ZDHHC24: variants seen among roughly 807,000 people sequenced by gnomAD.
ZDHHC24 encodes the protein probable palmitoyltransferase ZDHHC24.
ZDHHC24 carries 17 observed loss-of-function variants against 23.2 expected under a neutral mutation model. The observed-to-expected ratio is 0.73, with a 90% CI of 0.50 to 1.10. ZDHHC24 has a LOEUF of 1.10. ZDHHC24 is among the 50% of genes least tolerant of loss of function. The pLI is 0.00. For missense variants in ZDHHC24, 366 were observed against 393.0 expected (o/e 0.93, Z 0.58); for synonymous variants, 186 against 194.5 (o/e 0.96, Z 0.36).
intron 4 of ZDHHC24, chr11:66,523,930 C>T (rs368310925): frequency 7.0e-5 from 112 of 1,608,066 alleles, no homozygotes; most frequent in Middle Eastern, 3.3e-4. Flanking sequence ...TTGCCCTCGT[C>T]TCACCTCTGG....
chr11:66,523,382 T>C, intron 4 of ZDHHC24: 1 of 1,609,752 alleles, frequency 6.2e-7, no homozygotes, highest in Non-Finnish European at 8.5e-7. Flanking sequence ...CCATGAGGTT[T>C]AGACAGAGGA....
chr11:66,530,245 AC>A (rs1394708953), intron 2 of ZDHHC24, among the ~76,000 whole-genome samples: 1 of 152,068 alleles, frequency 6.6e-6, no homozygotes, highest in Non-Finnish European at 1.5e-5. Flanking sequence ...CTTCCCAAGA[AC>A]CTGAAGGGAT....
chr11:66,524,293 A>T, intron 4 of ZDHHC24: 1 of 331,082 alleles, frequency 3.0e-6, no homozygotes, highest in Non-Finnish European at 5.9e-6. Flanking sequence ...AAAAAAAAAA[A>T]TGTGTTGAGC....
chr11:66,522,027 C>T (rs141582785), intron 4 of ZDHHC24, among the ~76,000 whole-genome samples: 3,003 of 150,420 alleles, frequency 0.02, 87 homozygotes, highest in African/African-American at 0.069. Context: ...ACCATCCTGG[C>T]TAACACAGTG....
At chr11:66,530,772 G>C (rs1856743390), downstream of ZDHHC24, 1 of 1,394,566 alleles carries the variant, frequency 7.2e-7, no homozygotes, top group East Asian at 2.3e-5. Context: ...GTGTCTGCTG[G>C]GAGGCAGATT....
At position 66,545,587 on chromosome 11, in the gene ZDHHC24, C is replaced by T; in HGVS notation, c.281+136G>A. On this transcript the variant is annotated intron_variant, in intron 1 of 2. Coordinates refer to ENST00000310442, the MANE Select transcript of ZDHHC24 (RefSeq NM_207340.3). The surrounding 1 kb of genome is among the most constrained non-coding windows in gnomAD (Gnocchi z 4.5). ...TAACACTCAATTCTAGCTCTTCCATCCCAGGTTCTAAAAAAATGTCTGATT... is the reference window on the plus strand; with the variant it reads ...TAACACTCAATTCTAGCTCTTCCATTCCAGGTTCTAAAAAAATGTCTGATT... 1.9e-6 allele frequency: 2 copies of T among 1,059,698 alleles called. No homozygotes were observed. The highest frequency in any genetic ancestry group is 2.6e-6 in the Non-Finnish European group (2 of 773,588). 65.6% of individuals were successfully genotyped at this position (1,059,698 alleles called of 1,614,324 possible).
At chr11:66,522,843 A>G (rs1041113395) in intron 4 of ZDHHC24, 22 of 302,826 alleles carry the variant, frequency 7.3e-5, no homozygotes, top group South Asian at 3.8e-4. Flanking sequence ...TACAAGCTCA[A>G]TGGGGAAAAA....
chr11:66,527,141 G>A (rs534585584), intron 3 of ZDHHC24: 2 of 865,362 alleles, frequency 2.3e-6, no homozygotes, highest in Admixed American at 2.1e-5. Flanking sequence ...CTTTGGCAGA[G>A]GTGGGAGGAC....
downstream of ZDHHC24, among the ~76,000 whole-genome samples, chr11:66,533,791 C>T (rs1284440599): frequency 2.0e-5 from 3 of 152,214 alleles, no homozygotes; most frequent in African/African-American, 4.8e-5. Flanking sequence ...TGGGCTAGAT[C>T]CTGATTCCTG....
intron 4 of ZDHHC24, among the ~76,000 whole-genome samples, chr11:66,525,295 G>T (rs181485022): frequency 4.0e-5 from 6 of 151,018 alleles, no homozygotes; most frequent in African/African-American, 1.5e-4. Context: ...GGAGGCAAAG[G>T]TTGCAGTGAA....
In ZDHHC24 at chr11:66,539,528, G is replaced by A. The variant is rs1857083018; in HGVS notation, c.*1C>T. On this transcript the variant is annotated 3_prime_UTR_variant, in exon 3 of 3. Coordinates refer to ENST00000310442, the MANE Select transcript of ZDHHC24 (RefSeq NM_207340.3). ...CTGCACAGCTCTGGCTCTTCCTGGA[G>A]TCAGGAGGCTGTGTGTCCCACATCT... 6.4e-7 allele frequency: 1 copy of A among 1,554,212 alleles called. No homozygotes were observed. The highest frequency in any genetic ancestry group is 8.7e-7 in the Non-Finnish European group (1 of 1,150,252).
chr11:66,531,649 A>G, downstream of ZDHHC24: 3 of 1,613,960 alleles, frequency 1.9e-6, no homozygotes, highest in African/African-American at 2.7e-5. Context: ...TTTGTCCCCA[A>G]ACTTAGGTAC....
chr11:66,521,280 C>G, exon 5 of ZDHHC24: 1 of 1,614,050 alleles, frequency 6.2e-7, no homozygotes, highest in South Asian at 1.1e-5. Flanking sequence ...ATGAGCCTTC[C>G]CAGCGTCCCC....
intron 2 of ZDHHC24, 144 bp downstream of exon 2, chr11:66,543,560 T>C: frequency 9.3e-7 from 1 of 1,080,462 alleles, no homozygotes; most frequent in Non-Finnish European, 1.3e-6. Flanking sequence ...CCCGGGTGAA[T>C]ACCAAGCTGC....
At chr11:66,531,027 A>G, downstream of ZDHHC24, 1 of 1,614,154 alleles carries the variant, frequency 6.2e-7, no homozygotes, top group Non-Finnish European at 8.5e-7. Context: ...GCCTTCTTCA[A>G]GGTACTGGAT....
At position 66,539,360 on chromosome 11, in the gene ZDHHC24, G is replaced by C; in HGVS notation, c.*169C>G. 7.4e-7 allele frequency: 1 copy of C among 1,343,676 alleles called. No individual in the cohort carries two copies. The highest frequency in any genetic ancestry group is 9.5e-7 in the Non-Finnish European group (1 of 1,051,134). The allele number at this position is 1,343,676 out of a possible 1,614,324, so 83.2% of individuals were successfully genotyped here. A position where few individuals can be genotyped will look rare whatever the true frequency, so the allele number is the denominator to read the frequency against. On this transcript the variant is annotated 3_prime_UTR_variant, in exon 3 of 3. Coordinates refer to ENST00000310442, the MANE Select transcript of ZDHHC24 (RefSeq NM_207340.3). Reference sequence around the variant, plus strand: ...TCTGCACTCCTCTGCCTAAGTCACGGCCCAAGCCCTGGACACGTAGGAGTG... The same window carrying C: ...TCTGCACTCCTCTGCCTAAGTCACGCCCCAAGCCCTGGACACGTAGGAGTG...
At chr11:66,524,529 AACAAGTG>A (rs1425753470) in intron 4 of ZDHHC24, among the ~76,000 whole-genome samples, 1 of 152,216 alleles carries the variant, frequency 6.6e-6, no homozygotes, top group East Asian at 1.9e-4. Flanking sequence ...CACTTCACAG[AACAAGTG>A]ACAGTTCAAC....
intron 4 of ZDHHC24, chr11:66,522,866 G>A (rs1856302147): frequency 3.0e-6 from 1 of 329,980 alleles, no homozygotes; most frequent in Non-Finnish European, 5.9e-6. Flanking sequence ...ACAGGTAAGG[G>A]TGATCAGGAA....
At chr11:66,526,024 A>G (rs1327639731) in intron 4 of ZDHHC24, 12 of 1,022,280 alleles carry the variant, frequency 1.2e-5, no homozygotes, top group Non-Finnish European at 1.9e-5. Flanking sequence ...TGTCTCTATC[A>G]CTTCTCACCT....
Sources: gnomAD v4.1 joint callset for allele counts (sites outside exome capture counted in the v4.1 genomes callset) on GRCh38, gnomAD v4.1.1 for gene constraint, Gnocchi (gnomAD v3.1) non-coding constraint, MANE v1.5 for transcripts, NCBI Gene and HGNC (gene_info 2026-07-23, HGNC 2026-07-21) for gene names.